Variants in CHFR observed in about 807,000 individuals in gnomAD.
The protein encoded by CHFR is checkpoint with forkhead and ring finger domains, also known as E3 ubiquitin-protein ligase CHFR.
In CHFR, 57 loss-of-function variants were observed where a neutral mutation model predicts 87.6. That is an observed-to-expected ratio of 0.65 (90% confidence interval 0.53 to 0.81). The LOEUF (loss-of-function observed/expected upper bound fraction) is 0.81. CHFR is among the 30% of genes least tolerant of loss of function. The probability of loss-of-function intolerance (pLI) is 0.00; values close to 1 mark genes in which losing one functional copy is unlikely to be tolerated. For missense variants in CHFR, 797 were observed against 865.8 expected (o/e 0.92, Z 1.00); for synonymous variants, 381 against 359.2 (o/e 1.06, Z -0.69).
At chr12:132,856,411 C>T (rs996285975) in intron 10 of CHFR, 57 bp downstream of exon 10, 59 of 1,587,620 alleles carry the variant, frequency 3.7e-5, no homozygotes, top group African/African-American at 2.7e-4. Flanking sequence ...CTCTCGGTCA[C>T]GGTTGTGATG....
intron 2 of CHFR, among the ~76,000 whole-genome samples, chr12:132,884,402 C>G (rs1032863844): frequency 4.8e-5 from 6 of 125,454 alleles, no homozygotes; most frequent in African/African-American, 1.6e-4. Context: ...GCAATAAGAG[C>G]AAAACTCCGT....
chr12:132,862,728 C>T (rs1035571420), intron 6 of CHFR, among the ~76,000 whole-genome samples: 13 of 151,902 alleles, frequency 8.6e-5, no homozygotes, highest in South Asian at 2.1e-4. Flanking sequence ...TACAGGCACC[C>T]GCCACCATAC....
Position 132,877,615 on chromosome 12 carries a change from C to T in CHFR, c.173G>A (p.Gly58Glu), listed in dbSNP as rs573017098. 4 of 1,613,684 alleles carry T rather than the reference C, an allele frequency of 2.5e-6. No homozygotes were observed. The South Asian group carries it at 4.4e-5, about 18-fold the overall frequency. ...LSFPSNKLVS[G>E]DHCRIVVDEK... is the part of the protein sequence containing the mutation. ...ATCCACTACAATTCTACAGTGATCT[C>T]CAGAGACCAGTTTATTGCTGGGGAA... The change falls in exon 3 of 18, where the codon GGA (glycine) becomes GAA (glutamate). Residue 58 changes from glycine to glutamate, a missense_variant. Transcript: ENST00000450056.
Position 132,837,873 on chromosome 12 carries a change from C to G in CHFR, c.*3681G>C, listed in dbSNP as rs1246643548. On this transcript the variant is annotated 3_prime_UTR_variant, in exon 18 of 18. Transcript: ENST00000450056. ...CAGAGGGCGGGCACGGCCGCGGGGA[C>G]AGCGTTCTGGTTTCCCCATCAAGCC... 6.6e-6 allele frequency: 1 copy of G among 152,394 alleles called. No homozygotes were observed. The highest frequency in any genetic ancestry group is 1.9e-4 in the East Asian group (1 of 5,204). The allele number at this position is 152,394 out of a possible 1,614,324, so 9.4% of individuals were successfully genotyped here. A position where few individuals can be genotyped will look rare whatever the true frequency, so the allele number is the denominator to read the frequency against.
intron 7 of CHFR, among the ~76,000 whole-genome samples, chr12:132,859,975 G>A (rs567488046): frequency 4.3e-4 from 66 of 152,144 alleles, no homozygotes; most frequent in Non-Finnish European, 7.2e-4. Context: ...AGCCCAGGAG[G>A]TGGAGGCTGC....
At position 132,861,713 on chromosome 12, in the gene CHFR, G is replaced by A. The variant is rs1423195950; in HGVS notation, c.584-79C>T. ...CCATGCCTGTAAGGTGTCACTGACT[G>A]GAGCCCAGTGCAGCTGGCAGCCTGA... On this transcript the variant is annotated intron_variant, in intron 6 of 17. Transcript: ENST00000450056. The A allele has an allele frequency of 5.1e-6, 7 of 1,367,474 alleles. No individual in the cohort carries two copies. In the Admixed American group the frequency reaches 6.2e-5, roughly 12 times the overall value. 84.7% of individuals were successfully genotyped at this position (1,367,474 alleles called of 1,614,324 possible). A position where few individuals can be genotyped will look rare whatever the true frequency, so the allele number is the denominator to read the frequency against.
At chr12:132,878,942 T>C (rs1276511968) in intron 2 of CHFR, among the ~76,000 whole-genome samples, 3 of 151,588 alleles carry the variant, frequency 2.0e-5, no homozygotes, top group Non-Finnish European at 4.4e-5. Context: ...ATTGAAGCAA[T>C]GACAGTCACA....
rs1302006700 is a variant in CHFR at position 132,836,821 on chromosome 12, C to G, written c.*4733G>C. 1 of 453,762 alleles carries G rather than the reference C, an allele frequency of 2.2e-6. No individual in the cohort carries two copies. The highest frequency in any genetic ancestry group is 1.6e-5 in the South Asian group (1 of 64,262). 28.1% of individuals were successfully genotyped at this position (453,762 alleles called of 1,614,324 possible). A position where few individuals can be genotyped will look rare whatever the true frequency, so the allele number is the denominator to read the frequency against. On this transcript the variant is annotated 3_prime_UTR_variant, in exon 18 of 18. Transcript: ENST00000450056. The stretch of plus-strand genomic sequence containing the variant: ...GCTCATCAGCTCATCAGACCTTCAC[C>G]GTTCAGTAGCCAACTGGTCAGTGAT...
intron 2 of CHFR, 49 bp downstream of exon 2, chr12:132,887,147 C>T: frequency 7.0e-7 from 1 of 1,420,634 alleles, no homozygotes; most frequent in Non-Finnish European, 9.2e-7. Context: ...GCCCGCAACC[C>T]GGTGGCTCTG....
chr12:132,868,529 A>AT (rs1951405212), intron 6 of CHFR, among the ~76,000 whole-genome samples: 1 of 151,430 alleles, frequency 6.6e-6, no homozygotes. Context: ...AACAAAAAAA[A>AT]ATTAGCTGGG....
chr12:132,872,301 C>T lies in CHFR; in HGVS notation c.327G>A (p.Lys109=). The change falls in exon 4 of 18, where the codon AAG becomes AAA. Residue 109 remains lysine (K), a synonymous_variant. Coordinates refer to ENST00000450056, the MANE Select transcript of CHFR (RefSeq NM_001161346.2). ...CTCTCTTACTGTGTTCCGGTTCATT[C>T]TTCCTGTACACCAAGTAGATGACAT... ...TGDVIYLVYR[K]NEPEHNVAYL... is the part of the protein sequence containing the mutation. 6.2e-7 allele frequency: 1 copy of T among 1,610,644 alleles called. No homozygotes were observed. The highest frequency in any genetic ancestry group is 1.1e-5 in the South Asian group (1 of 91,004).
intron 15 of CHFR, 82 bp from the exon 16 acceptor site, chr12:132,844,216 G>A (rs994058055): frequency 1.9e-5 from 16 of 840,802 alleles, no homozygotes; most frequent in Middle Eastern, 2.2e-4. Context: ...GGAGACTAAC[G>A]CACTGACCAT....
intron 8 of CHFR, among the ~76,000 whole-genome samples, chr12:132,857,935 G>A (rs1242854087): frequency 6.6e-6 from 1 of 152,216 alleles, no homozygotes; most frequent in African/African-American, 2.4e-5. Context: ...CATTTAAAAT[G>A]TGCAGAGTTC....
intron 11 of CHFR, among the ~76,000 whole-genome samples, chr12:132,852,487 C>T (rs1314191618): frequency 6.6e-6 from 1 of 151,950 alleles, no homozygotes; most frequent in Non-Finnish European, 1.5e-5. Context: ...GCCAAGTTCC[C>T]TGGACACTCG....
At chr12:132,867,219 G>A in intron 6 of CHFR, 1 of 152,384 alleles carries the variant, frequency 6.6e-6, no homozygotes. Flanking sequence ...AACAGAAGTG[G>A]AAACAGGCCC....
At chr12:132,863,068 T>G (rs989554524) in intron 6 of CHFR, among the ~76,000 whole-genome samples, 1 of 147,976 alleles carries the variant, frequency 6.8e-6, no homozygotes, top group Non-Finnish European at 1.5e-5. Context: ...GGCTAATTTT[T>G]TGTATTTTTA....
chr12:132,844,513 T>C (rs1950773529), intron 15 of CHFR, among the ~76,000 whole-genome samples: 1 of 145,622 alleles, frequency 6.9e-6, no homozygotes, highest in African/African-American at 2.4e-5. Context: ...CTCGATCTCC[T>C]GACCTCGTGA....
At chr12:132,844,245 G>A (rs1160211174) in intron 15 of CHFR, 111 bp from the exon 16 acceptor site, 15 of 675,502 alleles carry the variant, frequency 2.2e-5, no homozygotes, top group East Asian at 1.4e-4. Context: ...TGAAGACAAC[G>A]GGCGACACAT....
At chr12:132,883,675 C>T (rs531161207) in intron 2 of CHFR, among the ~76,000 whole-genome samples, 3 of 152,284 alleles carry the variant, frequency 2.0e-5, no homozygotes, top group African/African-American at 2.4e-5. Context: ...TGCAGTGAGC[C>T]GAGATCGTGC....
Sources: gnomAD v4.1 joint callset for allele counts (sites outside exome capture counted in the v4.1 genomes callset) on GRCh38, gnomAD v4.1.1 for gene constraint, MANE v1.5 for transcripts, NCBI Gene and HGNC (gene_info 2026-07-23, HGNC 2026-07-21) for gene names.